The following ACOT11 variants were observed in gnomAD, a reference collection of about 807,000 sequenced individuals.
ACOT11 encodes the protein acyl-CoA thioesterase 11.
Under a neutral mutation model 77.5 loss-of-function variants are expected in ACOT11, and 69 were observed. The ratio of observed to expected loss-of-function variants is 0.89; its 90% CI spans 0.73 to 1.09. The LOEUF is 1.09. Among genes scored for constraint, ACOT11 ranks in the 50% least tolerant of loss-of-function variants. The pLI is 0.00. For missense variants in ACOT11, 766 were observed against 813.7 expected (o/e 0.94, Z 0.71); for synonymous variants, 279 against 313.0 (o/e 0.89, Z 1.15).
intron 15 of ACOT11, chr1:54,621,959 C>T (rs1298666316): frequency 1.3e-5 from 2 of 152,510 alleles, no homozygotes; most frequent in Non-Finnish European, 2.9e-5. Context: ...TGATGGTCTT[C>T]AGGCAAGTGA....
chr1:54,611,886 G>C, downstream of ACOT11: 1 of 914,968 alleles, frequency 1.1e-6, no homozygotes. Flanking sequence ...TTCTCCCTGA[G>C]TCCTACCCCT....
chr1:54,619,743 C>G (rs1044104353), intron 15 of ACOT11: 1 of 1,038,702 alleles, frequency 9.6e-7, no homozygotes, highest in African/African-American at 1.6e-5. Context: ...TTTCCTCATG[C>G]TGAAAGACAT....
At chr1:54,552,638 C>T (rs867002178) in intron 1 of ACOT11, among the ~76,000 whole-genome samples, 8 of 151,914 alleles carry the variant, frequency 5.3e-5, no homozygotes, top group South Asian at 4.2e-4. Flanking sequence ...ACTACAGGTG[C>T]GTGCCATCGG....
At position 54,607,988 on chromosome 1, in the gene ACOT11, CGA is replaced by C; in HGVS notation, c.1554_1555del (p.Glu518AspfsTer50). 3 of 1,613,966 alleles carry C rather than the reference CGA, an allele frequency of 1.9e-6. No individual in the cohort carries two copies. Among genetic ancestry groups the C allele is most frequent in the Non-Finnish European group, 2.5e-6 (3 of 1,179,982 alleles). On this transcript the variant is annotated frameshift_variant, in exon 15 of 16. Coordinates refer to ENST00000343744, the MANE Select transcript of ACOT11 (RefSeq NM_147161.4). LOFTEE classifies it high-confidence loss of function. The surrounding 1 kb of genome is among the most constrained non-coding windows in gnomAD (Gnocchi z 4.5). Reference sequence around the variant, plus strand: ...GAGGTCGGTCACGCTGCCCACACACCGAGAGACGCCAGAGTACAGACGCGGAG... The same window carrying C: ...GAGGTCGGTCACGCTGCCCACACACCGAGACGCCAGAGTACAGACGCGGAG... ...ALRSVTLPTH[R>X]ETPEYRRGET...
At chr1:54,592,751 A>T (rs766095403) in intron 4 of ACOT11, 145 bp downstream of exon 4, 36 of 779,998 alleles carry the variant, frequency 4.6e-5, no homozygotes, top group Non-Finnish European at 5.7e-5. Flanking sequence ...TTGGCAGAGC[A>T]AGGGGAATCC....
intron 16 of ACOT11, among the ~76,000 whole-genome samples, chr1:54,632,882 A>G (rs1192807956): frequency 4.6e-5 from 7 of 152,162 alleles, no homozygotes; most frequent in Admixed American, 2.6e-4. Flanking sequence ...GGCCCGATGG[A>G]CAACCTGGGA....
chr1:54,620,716 G>GC (rs758749742), intron 15 of ACOT11, among the ~76,000 whole-genome samples: 19 of 151,368 alleles, frequency 1.3e-4, no homozygotes, highest in South Asian at 2.1e-4. Flanking sequence ...GGACGTGGTG[G>GC]CAGGAGCCTG....
intron 15 of ACOT11, chr1:54,616,174 T>C: frequency 1.2e-6 from 2 of 1,611,708 alleles, no homozygotes; most frequent in South Asian, 1.1e-5. Flanking sequence ...TGATGTTGCC[T>C]GTGGAAGGGG....
chr1:54,630,497 T>G (rs951683658), intron 15 of ACOT11, among the ~76,000 whole-genome samples: 2 of 152,178 alleles, frequency 1.3e-5, no homozygotes, highest in African/African-American at 2.4e-5. Flanking sequence ...AAAGCATGAG[T>G]GATCTGTGTC....
intron 15 of ACOT11, among the ~76,000 whole-genome samples, chr1:54,618,429 T>A (rs1281341118): frequency 1.3e-5 from 2 of 152,076 alleles, no homozygotes; most frequent in African/African-American, 2.4e-5. Context: ...CACTTGAACC[T>A]GGGAGGTGGA....
chr1:54,577,557 T>TTA lies in ACOT11; in HGVS notation c.34-7096_34-7095dup, dbSNP rs139864516. On this transcript the variant is annotated intron_variant, in intron 1 of 15. Transcript: ENST00000343744. Reference sequence around the variant, plus strand: ...TATATACATACATATATATTACAATTTATTCATTTATTAATGGATATTTGA... The same window carrying TTA: ...TATATACATACATATATATTACAATTTATATTCATTTATTAATGGATATTTGA... Among the ~76,000 whole-genome samples, 598 of 150,854 alleles carry TTA rather than the reference T, an allele frequency of 4.0e-3. 1 individual carries two copies. Among genetic ancestry groups the TTA allele is most frequent in the Non-Finnish European group, 5.1e-3 (345 of 67,730 alleles).
chr1:54,610,393 G>A (rs1037206162), downstream of ACOT11: 1 of 1,610,796 alleles, frequency 6.2e-7, no homozygotes, highest in African/African-American at 1.3e-5. Flanking sequence ...GAGCACCGGG[G>A]CTGAAGGGTA....
downstream of ACOT11, chr1:54,611,707 A>C (rs1260531162): frequency 6.2e-7 from 1 of 1,614,078 alleles, no homozygotes. Context: ...TTCCACCGAC[A>C]TGGGGTCCGA....
Position 54,609,334 on chromosome 1 carries a change from G to A in ACOT11, c.*222G>A. ...CCTGGGGTAGCCTGTAGTAGACTCGGGTCCTGTCCACAGCCCTAGCTGCCA... is the reference window on the plus strand; with the variant it reads ...CCTGGGGTAGCCTGTAGTAGACTCGAGTCCTGTCCACAGCCCTAGCTGCCA... On this transcript the variant is annotated 3_prime_UTR_variant, in exon 16 of 16. Coordinates refer to ENST00000343744, the MANE Select transcript of ACOT11 (RefSeq NM_147161.4). 1.9e-6 allele frequency: 3 copies of A among 1,614,072 alleles called. No homozygotes were observed. In the African/African-American group the frequency reaches 4.0e-5, roughly 22 times the overall value.
intron 15 of ACOT11, chr1:54,615,911 G>C: frequency 8.7e-7 from 1 of 1,149,876 alleles, no homozygotes; most frequent in Non-Finnish European, 1.3e-6. Context: ...CCAAGGCAAT[G>C]AGCACCTCGT....
At chr1:54,604,890 C>G (rs974290954) in intron 12 of ACOT11, among the ~76,000 whole-genome samples, 186 bp from the exon 13 acceptor site, 1 of 152,186 alleles carries the variant, frequency 6.6e-6, no homozygotes, top group Non-Finnish European at 1.5e-5. Flanking sequence ...CTTAAGCCAC[C>G]TTCCTGTCCA....
In ACOT11 at chr1:54,601,367, C is replaced by T; in HGVS notation, c.983C>T (p.Ala328Val). ...TTTATGACCTTTGTGGTCCTGGACGCAGATGACCAGCCCCAGTTGCTGCCC... is the reference window on the plus strand; with the variant it reads ...TTTATGACCTTTGTGGTCCTGGACGTAGATGACCAGCCCCAGTTGCTGCCC... Reference protein sequence around the residue: ...SAFMTFVVLDADDQPQLLPWI... With the variant: ...SAFMTFVVLDVDDQPQLLPWI... The change falls in exon 9 of 16, where the codon GCA becomes GTA. Residue 328 changes from alanine to valine, a missense_variant. Coordinates refer to ENST00000343744, the MANE Select transcript of ACOT11 (RefSeq NM_147161.4). 6.2e-7 allele frequency: 1 copy of T among 1,613,676 alleles called. No homozygotes were observed. Among genetic ancestry groups the T allele is most frequent in the Non-Finnish European group, 8.5e-7 (1 of 1,179,992 alleles).
At chr1:54,582,410 C>T in intron 1 of ACOT11, 1 of 984,792 alleles carries the variant, frequency 1.0e-6, no homozygotes, top group Non-Finnish European at 1.2e-6. Context: ...CCCAATTTGT[C>T]TTTGTATTCT....
At chr1:54,626,033 G>C (rs1430612487) in intron 15 of ACOT11, among the ~76,000 whole-genome samples, 1 of 151,958 alleles carries the variant, frequency 6.6e-6, no homozygotes, top group East Asian at 1.9e-4. Flanking sequence ...GGCTGAGGCG[G>C]GCGGATCACT....
Sources: gnomAD v4.1 joint callset for allele counts (sites outside exome capture counted in the v4.1 genomes callset) on GRCh38, gnomAD v4.1.1 for gene constraint, Gnocchi (gnomAD v3.1) non-coding constraint, MANE v1.5 for transcripts, NCBI Gene and HGNC (gene_info 2026-07-23, HGNC 2026-07-21) for gene names.